Variants in PBX1 observed in about 807,000 individuals in gnomAD.
The protein encoded by PBX1 is PBX homeobox 1, also known as pre-B-cell leukemia transcription factor 1.
Under a neutral mutation model 53.4 loss-of-function variants are expected in PBX1, and 6 were observed. That is an observed-to-expected ratio of 0.11 (90% CI 0.06 to 0.22). The LOEUF is 0.22. PBX1 is among the 10% of genes least tolerant of loss of function. The pLI, the probability that PBX1 is intolerant of heterozygous loss-of-function variation, is 1.00. For synonymous variants in PBX1, 204 were observed against 212.3 expected (o/e 0.96, Z 0.34); for missense variants, 251 against 551.4 (o/e 0.46, Z 5.46).
At chr1:164,608,634 CAAACACTG>C (rs1656709586) in intron 2 of PBX1, among the ~76,000 whole-genome samples, 1 of 152,130 alleles carries the variant, frequency 6.6e-6, no homozygotes, top group Admixed American at 6.5e-5. Context: ...AGTAAGAAAG[CAAACACTG>C]AGCCAGAATT....
rs1043843679 is a variant in PBX1 at position 164,679,351 on chromosome 1, G to T, written c.266-113143G>T. ...AGTGAGACAGTTACTGAGACCATCG[G>T]CTGCTGTGGACATCACAGTGGGAGC... is the stretch of plus-strand genomic sequence containing the variant. On this transcript the variant is annotated intron_variant, in intron 2 of 8. Coordinates refer to ENST00000420696, the MANE Select transcript of PBX1 (RefSeq NM_002585.4). Among the ~76,000 whole-genome samples, 4 of 152,174 alleles carry T rather than the reference G, an allele frequency of 2.6e-5. No homozygotes were observed. In the East Asian group the frequency reaches 7.7e-4, roughly 29 times the overall value.
At chr1:164,613,431 C>T (rs544477942) in intron 2 of PBX1, among the ~76,000 whole-genome samples, 317 of 152,292 alleles carry the variant, frequency 2.1e-3, no homozygotes, top group Non-Finnish European at 3.8e-3. Context: ...CTCTTCTCCA[C>T]GCTACCTGGC....
chr1:164,853,989 T>C (rs1671920868), downstream of PBX1, among the ~76,000 whole-genome samples: 1 of 151,416 alleles, frequency 6.6e-6, no homozygotes, highest in African/African-American at 2.4e-5. Flanking sequence ...CACTGCAACC[T>C]CCACCTCCTG....
At chr1:164,758,765 C>T (rs1666657258) in intron 2 of PBX1, among the ~76,000 whole-genome samples, 1 of 152,158 alleles carries the variant, frequency 6.6e-6, no homozygotes, top group Admixed American at 6.5e-5. Context: ...AACTAAAATC[C>T]CTTTTCTTTT....
At chr1:164,785,309 CAG>C (rs749748814) in intron 2 of PBX1, among the ~76,000 whole-genome samples, 19 of 152,278 alleles carry the variant, frequency 1.2e-4, no homozygotes, top group Middle Eastern at 3.4e-3. Context: ...TCACATCAAA[CAG>C]AGAGATTGAG....
chr1:164,656,775 T>G (rs1467024211), intron 2 of PBX1, among the ~76,000 whole-genome samples: 1 of 152,176 alleles, frequency 6.6e-6, no homozygotes, highest in African/African-American at 2.4e-5. Context: ...TGTATGAGAC[T>G]TGTAGAGATC....
At chr1:164,701,844 A>G (rs1663140808) in intron 2 of PBX1, among the ~76,000 whole-genome samples, 1 of 152,176 alleles carries the variant, frequency 6.6e-6, no homozygotes, top group Non-Finnish European at 1.5e-5. Context: ...AAAGTTTTTT[A>G]TAATAGCACC....
chr1:164,628,520 C>T (rs1326436885), intron 2 of PBX1, among the ~76,000 whole-genome samples: 1 of 152,206 alleles, frequency 6.6e-6, no homozygotes, highest in Non-Finnish European at 1.5e-5. Context: ...GTGAAACCAT[C>T]ACGGTTCCTT....
intron 2 of PBX1, among the ~76,000 whole-genome samples, chr1:164,694,853 A>AG (rs1662718054): frequency 6.6e-6 from 1 of 152,210 alleles, no homozygotes; most frequent in Non-Finnish European, 1.5e-5. Flanking sequence ...ATCTGCTGTC[A>AG]TCCTAAGTCA....
chr1:164,578,908 T>G (rs1402527137), intron 2 of PBX1, among the ~76,000 whole-genome samples: 1 of 152,148 alleles, frequency 6.6e-6, no homozygotes, highest in Non-Finnish European at 1.5e-5. Context: ...TTTCACTCTC[T>G]TTTGTTCTCT....
intron 2 of PBX1, among the ~76,000 whole-genome samples, chr1:164,613,536 G>C (rs1342099568): frequency 6.6e-6 from 1 of 152,110 alleles, no homozygotes; most frequent in Non-Finnish European, 1.5e-5. Context: ...AGCCCCCCTA[G>C]CATTGTGTGT....
intron 2 of PBX1, among the ~76,000 whole-genome samples, chr1:164,635,496 C>A (rs186908652): frequency 6.6e-6 from 1 of 152,240 alleles, no homozygotes; most frequent in Non-Finnish European, 1.5e-5. Context: ...AACTGTCACT[C>A]GACAGGCGTT....
At chr1:164,679,385 G>T (rs936149507) in intron 2 of PBX1, among the ~76,000 whole-genome samples, 1 of 152,224 alleles carries the variant, frequency 6.6e-6, no homozygotes. Context: ...GCAGTCTACT[G>T]GGTGGGAGGG....
At chr1:164,772,441 G>A (rs1308169935) in intron 2 of PBX1, among the ~76,000 whole-genome samples, 2 of 152,194 alleles carry the variant, frequency 1.3e-5, no homozygotes, top group Admixed American at 6.5e-5. Context: ...GCTTTGCCAC[G>A]AGTATGTTTA....
chr1:164,635,140 A>C (rs921404069), intron 2 of PBX1, among the ~76,000 whole-genome samples: 2 of 152,114 alleles, frequency 1.3e-5, no homozygotes, highest in African/African-American at 2.4e-5. Context: ...AACTGTAAAA[A>C]ATGTTAATTT....
At chr1:164,862,710 C>T (rs1035189699) in intron 2 of PBX1, among the ~76,000 whole-genome samples, 2 of 152,134 alleles carry the variant, frequency 1.3e-5, no homozygotes, top group African/African-American at 4.8e-5. Flanking sequence ...CTGCTGCCCC[C>T]ACAGCTCCCC....
rs1666853639 is a variant in PBX1 at position 164,762,315 on chromosome 1, C to A, written c.266-30179C>A. ...GGTCAATACAGGTTGGCAGAAGCAG[C>A]ATAGTTTAGGGAACTCTGTTCTTTT... On this transcript the variant is annotated intron_variant, in intron 2 of 8. Coordinates refer to ENST00000420696, the MANE Select transcript of PBX1 (RefSeq NM_002585.4). Among the ~76,000 whole-genome samples the A allele has an allele frequency of 5.9e-5, 9 of 152,174 alleles. No homozygotes were observed. The South Asian group carries it at 1.9e-3, about 32-fold the overall frequency.
At chr1:164,632,647 A>G (rs919318555) in intron 2 of PBX1, among the ~76,000 whole-genome samples, 1 of 152,108 alleles carries the variant, frequency 6.6e-6, no homozygotes, top group African/African-American at 2.4e-5. Context: ...GTTTTTTCTC[A>G]ATTGGTGGCT....
intron 2 of PBX1, among the ~76,000 whole-genome samples, chr1:164,701,416 C>T (rs1228960227): frequency 1.3e-5 from 2 of 152,328 alleles, no homozygotes; most frequent in Non-Finnish European, 2.9e-5. Flanking sequence ...AGGGGAATTG[C>T]TGTTGTACTT....
Sources: allele counts gnomAD v4.1 joint callset (sites outside exome capture counted in the v4.1 genomes callset), GRCh38; gene constraint gnomAD v4.1.1; transcripts MANE v1.5; gene names NCBI Gene and HGNC (gene_info 2026-07-23, HGNC 2026-07-21).